Variants in DAGLA observed in about 807,000 individuals in gnomAD.
The protein encoded by DAGLA is diacylglycerol lipase-alpha.
Under a neutral mutation model 102.6 loss-of-function variants are expected in DAGLA, and 22 were observed. The ratio of observed to expected loss-of-function variants is 0.21; its 90% CI spans 0.15 to 0.31. The LOEUF is 0.31. Among genes scored for constraint, DAGLA ranks in the 10% least tolerant of loss-of-function variants. The pLI, the probability that DAGLA is intolerant of heterozygous loss-of-function variation, is 1.00. For missense variants in DAGLA, 927 were observed against 1,446.6 expected, an observed-to-expected ratio of 0.64 and a Z score of 5.83; for synonymous variants, 578 against 628.9, an observed-to-expected ratio of 0.92 and a Z score of 1.21.
intron 1 of DAGLA, among the ~76,000 whole-genome samples, chr11:61,689,309 A>G (rs2065007439): frequency 6.6e-6 from 1 of 152,208 alleles, no homozygotes; most frequent in Non-Finnish European, 1.5e-5. Flanking sequence ...CCTGCCTCCC[A>G]GTTAGCACCT....
rs1239105653 is a variant in DAGLA, at chr11:61,684,648, G to A, written c.-45+4144G>A. On this transcript the variant is annotated intron_variant, in intron 1 of 19. Coordinates refer to ENST00000257215, the MANE Select transcript of DAGLA (RefSeq NM_006133.3). This position sits in a 1 kb window ranked among gnomAD's most constrained non-coding sequence, Gnocchi z 4.5. The stretch of plus-strand genomic sequence containing the variant: ...CAGGAACGCCTAAGTCCTCTAGATG[G>A]GGATGGGGCTGTTATTACCGCGGGG... Among the ~76,000 whole-genome samples, 1 of 152,164 alleles carries A rather than the reference G, an allele frequency of 6.6e-6. No homozygotes were observed. Among genetic ancestry groups the A allele is most frequent in the Non-Finnish European group, 1.5e-5 (1 of 68,032 alleles).
chr11:61,690,033 C>T (rs1455381230), intron 1 of DAGLA, among the ~76,000 whole-genome samples: 1 of 152,152 alleles, frequency 6.6e-6, no homozygotes, highest in Non-Finnish European at 1.5e-5. Context: ...GAGTGCAGCC[C>T]ACCGGGTCTG....
chr11:61,718,495 C>G (rs198431), intron 1 of DAGLA, among the ~76,000 whole-genome samples: 39,257 of 151,918 alleles, frequency 0.26, 5,342 homozygotes, highest in East Asian at 0.46. Flanking sequence ...CCCAGCCCCC[C>G]CTCCTGTCCT....
intron 19 of DAGLA, 74 bp downstream of exon 19, chr11:61,741,423 A>G: frequency 6.7e-7 from 1 of 1,483,886 alleles, no homozygotes; most frequent in South Asian, 1.3e-5. Flanking sequence ...GTGCACATGC[A>G]TTTTGTGCAT....
rs573000985 is a variant in DAGLA, at chr11:61,695,903, AC to A, written c.-45+15402del. ...CCGGTGAGACCCTGGAAAGCCAGATACCCAGAGTGTGGATGACAGGCTCCGG... is the reference window on the plus strand; with the variant it reads ...CCGGTGAGACCCTGGAAAGCCAGATACCAGAGTGTGGATGACAGGCTCCGG... On this transcript the variant is annotated intron_variant, in intron 1 of 19. Coordinates refer to ENST00000257215, the MANE Select transcript of DAGLA (RefSeq NM_006133.3). Among the ~76,000 whole-genome samples the A allele has an allele frequency of 1.3e-3, 204 of 152,264 alleles. 1 individual carries two copies. Among genetic ancestry groups the A allele is most frequent in the African/African-American group, 4.6e-3 (192 of 41,554 alleles).
At position 61,741,315 on chromosome 11, in the gene DAGLA, C is replaced by T. The variant is rs2065477095; in HGVS notation, c.2137C>T (p.Leu713=). The T allele has an allele frequency of 1.2e-6, 2 of 1,610,426 alleles. No homozygotes were observed. Among genetic ancestry groups the T allele is most frequent in the South Asian group, 1.1e-5 (1 of 91,036 alleles). ...CATGCCCACTGGCCTTGCCCTGGAG[C>T]TGCCGACTGCAGACCACCGCAACAG... ...PPMPTGLALE[L]PTADHRNSSV... Residue 713 remains leucine, a synonymous_variant, in exon 19 of 20, where the codon CTG becomes TTG. Coordinates refer to ENST00000257215, the MANE Select transcript of DAGLA (RefSeq NM_006133.3).
chr11:61,742,874 A>G (rs377661534), intron 19 of DAGLA, among the ~76,000 whole-genome samples: 5 of 147,860 alleles, frequency 3.4e-5, no homozygotes, highest in Non-Finnish European at 5.9e-5. Flanking sequence ...CTCATGAGTG[A>G]TCTGGGGCAG....
chr11:61,695,116 G>A (rs1489042360), intron 1 of DAGLA, among the ~76,000 whole-genome samples: 1 of 152,216 alleles, frequency 6.6e-6, no homozygotes, highest in Non-Finnish European at 1.5e-5. Flanking sequence ...GAGAGGCAGG[G>A]TTGGGAGCTA....
rs530938902 is a variant in DAGLA, at chr11:61,726,402, G to A, written c.636+320G>A. Among the ~76,000 whole-genome samples the A allele has an allele frequency of 2.0e-5, 3 of 152,342 alleles. No homozygotes were observed. In the South Asian group the frequency reaches 6.2e-4, roughly 32 times the overall value. On this transcript the variant is annotated intron_variant, in intron 6 of 19. Coordinates refer to ENST00000257215, the MANE Select transcript of DAGLA (RefSeq NM_006133.3). ...TGACCTGAAGACAAAGAAAAGTAGC[G>A]TTTCACCAGCAGCAAATTAATCAAG...
intron 1 of DAGLA, among the ~76,000 whole-genome samples, chr11:61,683,503 C>T (rs966670534): frequency 3.3e-5 from 5 of 152,206 alleles, no homozygotes; most frequent in African/African-American, 7.2e-5. Flanking sequence ...AGGAAGCCTA[C>T]AGCCTCCCTG....
intron 18 of DAGLA, among the ~76,000 whole-genome samples, 168 bp downstream of exon 18, chr11:61,740,760 C>G (rs915589745): frequency 6.6e-6 from 1 of 152,214 alleles, no homozygotes; most frequent in African/African-American, 2.4e-5. Flanking sequence ...CAACCTCACA[C>G]CCCTGGCTCT....
At chr11:61,727,883 T>C (rs1173597761) in intron 6 of DAGLA, among the ~76,000 whole-genome samples, 1 of 152,162 alleles carries the variant, frequency 6.6e-6, no homozygotes, top group Non-Finnish European at 1.5e-5. Context: ...CTGCTCTTGG[T>C]AGACAGTGGG....
intron 19 of DAGLA, among the ~76,000 whole-genome samples, chr11:61,741,697 C>T (rs1248403147): frequency 1.3e-5 from 2 of 151,862 alleles, no homozygotes; most frequent in African/African-American, 2.4e-5. Flanking sequence ...CTGCAACCTC[C>T]ACCTCCCAGG....
chr11:61,704,629 G>T (rs556369633), intron 1 of DAGLA, among the ~76,000 whole-genome samples: 1 of 152,172 alleles, frequency 6.6e-6, no homozygotes. Context: ...TGTCGGGAGA[G>T]TAAGGGATAG....
chr11:61,713,385 A>T (rs903979822), intron 1 of DAGLA, among the ~76,000 whole-genome samples: 7 of 152,192 alleles, frequency 4.6e-5, no homozygotes, highest in African/African-American at 1.7e-4. Context: ...AACTGTTATG[A>T]GGACTAGGTG....
Position 61,729,020 on chromosome 11 carries a change from A to G in DAGLA, c.849+12A>G. On this transcript the variant is annotated intron_variant, in intron 8 of 19. Transcript: ENST00000257215. ...ACCTCAAGAATTCAGTGAGTCAGAC[A>G]TCAACTCTCACCCCACCCCGTCCCC... is the stretch of plus-strand genomic sequence containing the variant. 1 of 1,611,292 alleles carries G rather than the reference A, an allele frequency of 6.2e-7. No individual in the cohort carries two copies. The highest frequency in any genetic ancestry group is 2.2e-5 in the East Asian group (1 of 44,852).
chr11:61,723,295 A>T, intron 4 of DAGLA, 139 bp from the exon 5 acceptor site: 1 of 1,236,096 alleles, frequency 8.1e-7, no homozygotes, highest in South Asian at 1.4e-5. Context: ...AGAGACTGGG[A>T]CCAGGGGCTT....
chr11:61,727,249 CT>C (rs757890481), intron 6 of DAGLA, among the ~76,000 whole-genome samples: 6 of 152,232 alleles, frequency 3.9e-5, no homozygotes, highest in African/African-American at 9.6e-5. Context: ...CCATAAACTT[CT>C]GTATTTCTGA....
chr11:61,744,637 C>A lies in DAGLA; in HGVS notation c.*148C>A. On this transcript the variant is annotated 3_prime_UTR_variant, in exon 20 of 20. Coordinates refer to ENST00000257215, the MANE Select transcript of DAGLA (RefSeq NM_006133.3). ...AGGCATCGCTGCTGAGCTGGGGGTC[C>A]GCATCCCTACCTCAGCTTAGGACCC... 1 of 648,226 alleles carries A rather than the reference C, an allele frequency of 1.5e-6. No homozygotes were observed. Among genetic ancestry groups the A allele is most frequent in the Non-Finnish European group, 2.6e-6 (1 of 389,220 alleles). 40.2% of individuals were successfully genotyped at this position (648,226 alleles called of 1,614,324 possible).
Sources: gnomAD v4.1 joint callset for allele counts (sites outside exome capture counted in the v4.1 genomes callset) on GRCh38, gnomAD v4.1.1 for gene constraint, Gnocchi (gnomAD v3.1) non-coding constraint, MANE v1.5 for transcripts, NCBI Gene and HGNC (gene_info 2026-07-23, HGNC 2026-07-21) for gene names.